CDH11: variants seen among roughly 807,000 people sequenced by gnomAD.
CDH11 encodes the protein cadherin-11.
In CDH11, 11 loss-of-function variants were observed where a neutral mutation model predicts 67.8. That is an observed-to-expected ratio of 0.16 (90% CI 0.10 to 0.27). CDH11 has a LOEUF of 0.27. Among genes scored for constraint, CDH11 ranks in the 10% least tolerant of loss-of-function variants. The pLI is 1.00. For missense variants in CDH11, 847 were observed against 1,031.2 expected, an observed-to-expected ratio of 0.82 and a Z score of 2.45; for synonymous variants, 419 against 400.0, an observed-to-expected ratio of 1.05 and a Z score of -0.57.
At chr16:65,007,383 A>G (rs974780944) in intron 2 of CDH11, among the ~76,000 whole-genome samples, 42 of 152,196 alleles carry the variant, frequency 2.8e-4, no homozygotes, top group African/African-American at 9.6e-4. Context: ...GATATGTAAA[A>G]GGCTACGTGG....
At chr16:65,048,358 G>C (rs921183496) in intron 2 of CDH11, among the ~76,000 whole-genome samples, 2 of 152,254 alleles carry the variant, frequency 1.3e-5, no homozygotes, top group Admixed American at 1.3e-4. Context: ...ACTGAAAATA[G>C]GGCTACCTTT....
chr16:64,993,088 T>C lies in CDH11; in HGVS notation c.524-54A>G, dbSNP rs971595032. 3 of 1,460,294 alleles carry C rather than the reference T, an allele frequency of 2.1e-6. No homozygotes were observed. The Admixed American group carries it at 5.1e-5, about 25-fold the overall frequency. 90.5% of individuals were successfully genotyped at this position (1,460,294 alleles called of 1,614,324 possible). A position where few individuals can be genotyped will look rare whatever the true frequency, so the allele number is the denominator to read the frequency against. On this transcript the variant is annotated intron_variant, in intron 4 of 12. Coordinates refer to ENST00000268603, the MANE Select transcript of CDH11 (RefSeq NM_001797.4). ...CATCTCCTCAGATTTTCAAATTATG[T>C]TCTTGTTTACAAAGTTTTATTCTAA...
intron 2 of CDH11, among the ~76,000 whole-genome samples, chr16:65,027,142 G>A (rs750642003): frequency 7.2e-5 from 11 of 152,086 alleles, no homozygotes; most frequent in Non-Finnish European, 1.2e-4. Context: ...CTTGGCTACC[G>A]CTCACAACAC....
intron 1 of CDH11, among the ~76,000 whole-genome samples, chr16:65,084,112 G>C (rs2074656697): frequency 1.3e-5 from 2 of 152,146 alleles, no homozygotes; most frequent in Non-Finnish European, 2.9e-5. Context: ...TGCTGAAGTT[G>C]AGAAACCTTG....
intron 5 of CDH11, among the ~76,000 whole-genome samples, chr16:64,992,568 GC>G (rs2072655802): frequency 6.6e-6 from 1 of 152,236 alleles, no homozygotes; most frequent in Admixed American, 6.5e-5. Context: ...ACCTTTGGAA[GC>G]TTTTTCTCTC....
At chr16:65,044,523 C>T (rs1442918142) in intron 2 of CDH11, among the ~76,000 whole-genome samples, 1 of 151,882 alleles carries the variant, frequency 6.6e-6, no homozygotes, top group Non-Finnish European at 1.5e-5. Flanking sequence ...AAGTGATAGA[C>T]ACTGAGGAAT....
chr16:64,998,481 A>C, intron 4 of CDH11, 81 bp downstream of exon 4: 1 of 1,327,696 alleles, frequency 7.5e-7, no homozygotes, highest in Admixed American at 2.1e-5. Context: ...CTACTTCCTG[A>C]TTTGGGAGAA....
At chr16:65,105,794 A>G (rs903206659) in intron 1 of CDH11, among the ~76,000 whole-genome samples, 3 of 152,340 alleles carry the variant, frequency 2.0e-5, no homozygotes, top group Admixed American at 6.5e-5. Context: ...ATGTTAATCG[A>G]ATTGTTTCCC....
chr16:64,949,912 C>T (rs1014293715), intron 12 of CDH11, among the ~76,000 whole-genome samples: 2 of 152,084 alleles, frequency 1.3e-5, no homozygotes, highest in Admixed American at 6.5e-5. Context: ...CCAGAGAATA[C>T]CCAGTAACTA....
chr16:65,047,960 G>A (rs571331235), intron 2 of CDH11, among the ~76,000 whole-genome samples: 1 of 152,198 alleles, frequency 6.6e-6, no homozygotes, highest in Non-Finnish European at 1.5e-5. Context: ...CTGTCTAAAA[G>A]GAACTCTGTA....
At chr16:65,117,307 T>G (rs2075259695) in intron 1 of CDH11, among the ~76,000 whole-genome samples, 1 of 152,168 alleles carries the variant, frequency 6.6e-6, no homozygotes, top group African/African-American at 2.4e-5. Context: ...CACAAATAAG[T>G]AGCCACTTAA....
intron 1 of CDH11, among the ~76,000 whole-genome samples, chr16:65,100,758 G>T (rs993116888): frequency 4.0e-5 from 6 of 148,562 alleles, no homozygotes; most frequent in Non-Finnish European, 4.5e-5. Flanking sequence ...AAAAAAGAAA[G>T]AAAGAAAAAG....
intron 7 of CDH11, chr16:64,986,263 C>T (rs1225681451): frequency 7.1e-6 from 1 of 141,462 alleles, no homozygotes; most frequent in African/African-American, 2.5e-5. Context: ...AATGCAATAA[C>T]ATCTTACACT....
intron 1 of CDH11, among the ~76,000 whole-genome samples, chr16:65,058,524 T>G (rs1056770434): frequency 6.6e-6 from 1 of 152,174 alleles, no homozygotes; most frequent in Non-Finnish European, 1.5e-5. Context: ...GCTTCTTCCT[T>G]TTTTGAGCAT....
Position 64,968,985 on chromosome 16 carries a change from C to A in CDH11, c.1642+2594G>T, listed in dbSNP as rs892725493. Among the ~76,000 whole-genome samples the A allele has an allele frequency of 5.9e-5, 9 of 152,206 alleles. No individual in the cohort carries two copies. In the East Asian group the frequency reaches 1.7e-3, roughly 29 times the overall value. On this transcript the variant is annotated intron_variant, in intron 11 of 12. Coordinates refer to ENST00000268603, the MANE Select transcript of CDH11 (RefSeq NM_001797.4). ...CTTTAAACATGGGAGTTTTCATTAA[C>A]TGTTTGCCATAGTTAATAAAGTAAT...
At chr16:65,044,698 G>T (rs755180634) in intron 2 of CDH11, among the ~76,000 whole-genome samples, 2 of 151,972 alleles carry the variant, frequency 1.3e-5, no homozygotes, top group Non-Finnish European at 2.9e-5. Flanking sequence ...TGCATTCAGG[G>T]GCTACCAGCA....
At chr16:64,980,250 C>G (rs1038180560) in intron 8 of CDH11, among the ~76,000 whole-genome samples, 1 of 150,102 alleles carries the variant, frequency 6.7e-6, no homozygotes, top group African/African-American at 2.4e-5. Context: ...TTTTTCACAA[C>G]AGAAAAAAAA....
Position 65,069,717 on chromosome 16 carries a change from TA to T in CDH11, c.-297-15790del, listed in dbSNP as rs928397342. ...AATATTGATACCATCAATTTGAGTC[TA>T]AAATACTTTCTTGGGTTAACAGAAC... On this transcript the variant is annotated intron_variant, in intron 1 of 12. Transcript: ENST00000268603. Among the ~76,000 whole-genome samples, 7 of 152,300 alleles carry T rather than the reference TA, an allele frequency of 4.6e-5. 1 individual carries two copies. Among genetic ancestry groups the T allele is most frequent in the Middle Eastern group, 3.4e-3 (1 of 294 alleles).
intron 2 of CDH11, among the ~76,000 whole-genome samples, chr16:65,046,342 G>A (rs971394946): frequency 4.6e-5 from 7 of 152,282 alleles, no homozygotes; most frequent in Admixed American, 1.3e-4. Flanking sequence ...CCCAAGAAGC[G>A]CTTGCTGAGC....
Sources: allele counts gnomAD v4.1 joint callset (sites outside exome capture counted in the v4.1 genomes callset), GRCh38; gene constraint gnomAD v4.1.1; transcripts MANE v1.5; gene names NCBI Gene and HGNC (gene_info 2026-07-23, HGNC 2026-07-21).